The following DNAH14 variants were observed in gnomAD, a reference collection of about 807,000 sequenced individuals.
DNAH14 encodes the protein dynein axonemal heavy chain 14.
DNAH14 carries 478 observed loss-of-function variants against 520.9 expected under a neutral mutation model. The observed-to-expected ratio is 0.92, with a 90% CI of 0.85 to 0.99. DNAH14 has a LOEUF of 0.99. Ranked by LOEUF, DNAH14 falls within the 50% of genes least tolerant of loss-of-function variation. The pLI is 0.00. For synonymous variants in DNAH14, 1,581 were observed against 1,757.2 expected (o/e 0.90, Z 2.51); for missense variants, 4,831 against 5,234.5 (o/e 0.92, Z 2.38).
chr1:225,104,117 A>G (rs1241863401), intron 23 of DNAH14, among the ~76,000 whole-genome samples: 3 of 152,086 alleles, frequency 2.0e-5, no homozygotes, highest in Non-Finnish European at 4.4e-5. Context: ...GAATTTTGTC[A>G]AAGGCCTTTT....
intron 72 of DNAH14, 63 bp from the exon 73 acceptor site, chr1:225,353,740 A>G (rs1055082903): frequency 1.2e-6 from 1 of 854,222 alleles, no homozygotes; most frequent in Non-Finnish European, 1.8e-6. Context: ...TCATTGTGAT[A>G]TGTTTTAATG....
chr1:225,335,214 T>C (rs1016402181), intron 66 of DNAH14, among the ~76,000 whole-genome samples: 1 of 139,078 alleles, frequency 7.2e-6, no homozygotes, highest in Non-Finnish European at 1.6e-5. Flanking sequence ...CGTACATGTG[T>C]GTATATATGC....
rs1036169019 is a variant in DNAH14, at chr1:225,204,202, C to T, written c.5906C>T (p.Ser1969Phe). The change falls in exon 39 of 86, where the codon TCT becomes TTT. Residue 1969 changes from serine (S) to phenylalanine (F), a missense_variant. By Grantham distance (155) the Ser-to-Phe change is radical. Transcript: ENST00000682510. ...DLSNVFKLDS[S>F]DTTETDDNIF... ...TTTTAGGTTTTCAAACTTGATTCCTCTGATACAACAGAGACTGATGATAAT... is the reference window on the plus strand; with the variant it reads ...TTTTAGGTTTTCAAACTTGATTCCTTTGATACAACAGAGACTGATGATAAT... 3 of 1,467,280 alleles carry T rather than the reference C, an allele frequency of 2.0e-6. No homozygotes were observed. The highest frequency in any genetic ancestry group is 6.6e-5 in the Admixed American group (2 of 30,342). The allele number at this position is 1,467,280 out of a possible 1,614,324, so 90.9% of individuals were successfully genotyped here. A position where few individuals can be genotyped will look rare whatever the true frequency, so the allele number is the denominator to read the frequency against.
chr1:225,282,216 T>C (rs2093641856), intron 54 of DNAH14, among the ~76,000 whole-genome samples: 1 of 152,128 alleles, frequency 6.6e-6, no homozygotes, highest in Non-Finnish European at 1.5e-5. Flanking sequence ...CAAAGAGAAC[T>C]GAAGGAAAGC....
intron 1 of DNAH14, among the ~76,000 whole-genome samples, chr1:224,930,627 TCG>T (rs1329837444): frequency 2.0e-5 from 3 of 152,120 alleles, no homozygotes; most frequent in Non-Finnish European, 4.4e-5. Context: ...AGACGGAGCC[TCG>T]CTCTGTCGCC....
At chr1:225,012,352 A>G (rs1366326229) in intron 10 of DNAH14, among the ~76,000 whole-genome samples, 1 of 151,800 alleles carries the variant, frequency 6.6e-6, no homozygotes, top group Non-Finnish European at 1.5e-5. Flanking sequence ...TTTGCAGGTA[A>G]CTCAACCTTT....
chr1:225,077,419 T>C (rs1186554483), intron 17 of DNAH14, among the ~76,000 whole-genome samples: 3 of 152,216 alleles, frequency 2.0e-5, no homozygotes, highest in African/African-American at 4.8e-5. Flanking sequence ...TTTGGGTATA[T>C]TTTACCTTTT....
intron 77 of DNAH14, among the ~76,000 whole-genome samples, chr1:225,371,267 C>T (rs1414760266): frequency 6.6e-6 from 1 of 152,030 alleles, no homozygotes; most frequent in Non-Finnish European, 1.5e-5. Flanking sequence ...TACACTGTAA[C>T]CAAGTTGGGT....
chr1:225,061,107 C>G (rs556133563), intron 17 of DNAH14, among the ~76,000 whole-genome samples: 1 of 152,330 alleles, frequency 6.6e-6, no homozygotes, highest in East Asian at 1.9e-4. Flanking sequence ...GCCCTGCCCC[C>G]AGAGGTGGAG....
chr1:225,196,669 C>G (rs1294090887), intron 38 of DNAH14, among the ~76,000 whole-genome samples: 3 of 152,072 alleles, frequency 2.0e-5, no homozygotes, highest in Non-Finnish European at 4.4e-5. Flanking sequence ...CACATCCACA[C>G]CAACATCTTA....
intron 60 of DNAH14, among the ~76,000 whole-genome samples, chr1:225,315,801 G>A (rs550595387): frequency 9.3e-4 from 142 of 152,284 alleles, no homozygotes; most frequent in African/African-American, 1.4e-3. Context: ...TGCTCCTTCC[G>A]CTGGAAGCTT....
At chr1:225,121,150 G>GT (rs1289683036) in intron 26 of DNAH14, among the ~76,000 whole-genome samples, 6 of 152,040 alleles carry the variant, frequency 3.9e-5, no homozygotes, top group Admixed American at 3.3e-4. Context: ...AATAATAATT[G>GT]TATCTATTAT....
intron 59 of DNAH14, 126 bp from the exon 60 acceptor site, chr1:225,308,158 AT>A: frequency 2.0e-6 from 2 of 996,362 alleles, no homozygotes; most frequent in Admixed American, 6.7e-5. Context: ...TTATGAATCT[AT>A]TAAATATATT....
At chr1:225,393,250 G>C (rs1054760411) in intron 84 of DNAH14, among the ~76,000 whole-genome samples, 1 of 152,172 alleles carries the variant, frequency 6.6e-6, no homozygotes, top group Non-Finnish European at 1.5e-5. Context: ...TGAAAAAATA[G>C]TAATAAATAA....
chr1:225,309,894 G>A (rs999372104), intron 60 of DNAH14, among the ~76,000 whole-genome samples: 2 of 151,962 alleles, frequency 1.3e-5, no homozygotes, highest in Admixed American at 6.6e-5. Context: ...TCGGAGGGGG[G>A]AGGGATAGCA....
In DNAH14 at chr1:224,968,808, T is replaced by C; in HGVS notation, c.701T>C (p.Leu234Ser). 6.5e-7 allele frequency: 1 copy of C among 1,541,862 alleles called. No individual in the cohort carries two copies. The highest frequency in any genetic ancestry group is 8.7e-7 in the Non-Finnish European group (1 of 1,143,316). The change falls in exon 7 of 86, where the codon TTG (leucine) becomes TCG (serine). Residue 234 changes from leucine (L) to serine (S), a missense_variant. Physicochemically the swap from Leu to Ser is moderately radical, Grantham distance 145. Transcript: ENST00000682510. Reference protein sequence around the residue: ...SVKEVELIPTLEWLSERRHYY... With the variant: ...SVKEVELIPTSEWLSERRHYY... ...AAGGAAGTAGAACTCATACCTACTT[T>C]GGAATGGCTATCAGAAAGAAGACAT... is the stretch of plus-strand genomic sequence containing the variant.
At chr1:225,322,886 C>T in intron 62 of DNAH14, 63 bp downstream of exon 62, 1 of 1,374,000 alleles carries the variant, frequency 7.3e-7, no homozygotes, top group South Asian at 1.6e-5. Flanking sequence ...AAACAGACCA[C>T]CTGCCATCTA....
At chr1:224,982,520 T>C (rs913262240) in intron 8 of DNAH14, among the ~76,000 whole-genome samples, 1 of 152,200 alleles carries the variant, frequency 6.6e-6, no homozygotes, top group African/African-American at 2.4e-5. Context: ...CTCTAGTTCC[T>C]TGAGGCGTGA....
chr1:225,171,042 G>A (rs1448972763), intron 36 of DNAH14, among the ~76,000 whole-genome samples: 1 of 152,156 alleles, frequency 6.6e-6, no homozygotes, highest in Non-Finnish European at 1.5e-5. Context: ...CGAAATGAAG[G>A]CAGAAATAAA....
Sources: allele counts gnomAD v4.1 joint callset (sites outside exome capture counted in the v4.1 genomes callset), GRCh38; gene constraint gnomAD v4.1.1; transcripts MANE v1.5; gene names NCBI Gene and HGNC (gene_info 2026-07-23, HGNC 2026-07-21).